PIWIL2: variants seen among roughly 807,000 people sequenced by gnomAD.
The protein encoded by PIWIL2 is piwi like RNA-mediated gene silencing 2.
A neutral mutation model predicts 116.5 loss-of-function variants in PIWIL2; 81 were observed. The observed-to-expected ratio is 0.70, with a 90% CI of 0.58 to 0.84. The LOEUF is 0.84. Among genes scored for constraint, PIWIL2 ranks in the 40% least tolerant of loss-of-function variants. The pLI, the probability that PIWIL2 is intolerant of heterozygous loss-of-function variation, is 0.00. For missense variants in PIWIL2, 1,272 were observed against 1,212.3 expected (o/e 1.05, Z -0.73); for synonymous variants, 489 against 429.5 (o/e 1.14, Z -1.71).
chr8:22,331,443 C>T (rs577883564), intron 20 of PIWIL2, among the ~76,000 whole-genome samples: 13 of 151,770 alleles, frequency 8.6e-5, no homozygotes, highest in Non-Finnish European at 1.3e-4. Context: ...GATCGCATTA[C>T]TGCACTCCCT....
intron 10 of PIWIL2, among the ~76,000 whole-genome samples, chr8:22,296,043 TTTTTTTTTTTTTTTTG>T (rs1830895584): frequency 6.5e-5 from 2 of 30,832 alleles, no homozygotes; most frequent in Non-Finnish European, 1.1e-4. Flanking sequence ...TTTTTTTTTT[TTTTTTTTTTTTTTTTG>T]TTGTTGTTGT....
intron 20 of PIWIL2, among the ~76,000 whole-genome samples, chr8:22,322,234 T>G (rs1831614945): frequency 6.6e-6 from 1 of 152,048 alleles, no homozygotes; most frequent in Non-Finnish European, 1.5e-5. Context: ...GGCTTTTCCT[T>G]GATGAATACA....
rs985322074 is a variant in PIWIL2 at position 22,281,414 on chromosome 8, G to C, written c.324G>C (p.Leu108=). The C allele has an allele frequency of 1.2e-6, 2 of 1,607,726 alleles. No homozygotes were observed. The highest frequency in any genetic ancestry group is 1.7e-6 in the Non-Finnish European group (2 of 1,178,610). ...GILGRGLSAN[L]VRKDREELSP... is the part of the protein sequence containing the mutation. Reference sequence around the variant, plus strand: ...TAGGTCGAGGCTTGTCTGCTAATCTGGTACGCAAGGACAGGGAGGAACTCT... The same window carrying C: ...TAGGTCGAGGCTTGTCTGCTAATCTCGTACGCAAGGACAGGGAGGAACTCT... Residue 108 remains leucine (L), a synonymous_variant, in exon 4 of 23, where the codon CTG becomes CTC. Coordinates refer to ENST00000356766, the MANE Select transcript of PIWIL2 (RefSeq NM_018068.5).
intron 12 of PIWIL2, 115 bp downstream of exon 12, chr8:22,304,983 C>T (rs899347403): frequency 7.2e-5 from 51 of 707,256 alleles, no homozygotes; most frequent in Admixed American, 6.7e-4. Context: ...AGTGTAGTTG[C>T]GGAAAGCTGT....
intron 10 of PIWIL2, among the ~76,000 whole-genome samples, chr8:22,295,082 G>GA (rs568031412): frequency 3.4e-4 from 50 of 149,020 alleles, no homozygotes; most frequent in Non-Finnish European, 5.5e-4. Flanking sequence ...TCGTCTGGGG[G>GA]AAAAAAAAAA....
intron 4 of PIWIL2, 47 bp from the exon 5 acceptor site, chr8:22,282,987 A>G (rs1327753234): frequency 4.4e-6 from 6 of 1,365,882 alleles, no homozygotes; most frequent in Middle Eastern, 1.8e-4. Context: ...TGGATGGGAC[A>G]TAGCTATTAT....
At chr8:22,276,820 T>G (rs1330358704) in intron 1 of PIWIL2, among the ~76,000 whole-genome samples, 1 of 151,922 alleles carries the variant, frequency 6.6e-6, no homozygotes, top group Non-Finnish European at 1.5e-5. Flanking sequence ...AGAGGACTGC[T>G]TGAGCACAGG....
At chr8:22,306,037 G>A in intron 13 of PIWIL2, 21 bp downstream of exon 13, 1 of 1,530,782 alleles carries the variant, frequency 6.5e-7, no homozygotes, top group Non-Finnish European at 9.1e-7. Flanking sequence ...TGTGTTTTCA[G>A]CCGGAAATGC....
chr8:22,300,341 C>A lies in PIWIL2; in HGVS notation c.1182-3680C>A, dbSNP rs183071418. 2.6e-5 allele frequency among the ~76,000 whole-genome samples: 4 copies of A among 152,256 alleles called. No homozygotes were observed. The East Asian group carries it at 7.7e-4, about 29-fold the overall frequency. On this transcript the variant is annotated intron_variant, in intron 10 of 22. Transcript: ENST00000356766. Reference sequence around the variant, plus strand: ...AAATCATTCACATTGTTGTATGTTGCAAATGTTCATTCCTTTTAATTACTG... The same window carrying A: ...AAATCATTCACATTGTTGTATGTTGAAAATGTTCATTCCTTTTAATTACTG...
At chr8:22,313,072 C>G (rs1831371122) in intron 16 of PIWIL2, among the ~76,000 whole-genome samples, 1 of 152,220 alleles carries the variant, frequency 6.6e-6, no homozygotes, top group Admixed American at 6.5e-5. Flanking sequence ...ATCAGCTCCC[C>G]CATTTCACAA....
At chr8:22,278,499 G>A (rs573268136) in intron 1 of PIWIL2, among the ~76,000 whole-genome samples, 8 of 152,310 alleles carry the variant, frequency 5.3e-5, no homozygotes, top group East Asian at 1.9e-4. Flanking sequence ...CAGCCTGGGC[G>A]ACAGAAGGAG....
chr8:22,313,769 A>G (rs1457455818), intron 16 of PIWIL2, among the ~76,000 whole-genome samples: 1 of 152,208 alleles, frequency 6.6e-6, no homozygotes, highest in Admixed American at 6.5e-5. Context: ...GGAATAGATG[A>G]TACTGACATG....
intron 13 of PIWIL2, 55 bp downstream of exon 13, chr8:22,306,071 G>T: frequency 7.8e-7 from 1 of 1,285,432 alleles, no homozygotes; most frequent in Non-Finnish European, 1.1e-6. Flanking sequence ...CAGCCTTTTG[G>T]TTAACAGTTT....
intron 20 of PIWIL2, among the ~76,000 whole-genome samples, chr8:22,335,212 G>A (rs1475559538): frequency 1.3e-5 from 2 of 152,150 alleles, no homozygotes; most frequent in African/African-American, 2.4e-5. Flanking sequence ...TGACAAAGAT[G>A]TAAGGGATAG....
intron 14 of PIWIL2, among the ~76,000 whole-genome samples, chr8:22,308,310 G>C (rs1228960469): frequency 6.6e-6 from 1 of 151,462 alleles, no homozygotes; most frequent in Non-Finnish European, 1.5e-5. Flanking sequence ...TTTATTAACG[G>C]TTTTCTATCC....
chr8:22,338,257 A>G (rs905261154), intron 20 of PIWIL2, among the ~76,000 whole-genome samples: 2 of 152,252 alleles, frequency 1.3e-5, no homozygotes, highest in African/African-American at 4.8e-5. Flanking sequence ...GGAACCAACA[A>G]CAACGACAAC....
chr8:22,279,519 G>A lies in PIWIL2; in HGVS notation c.133G>A (p.Ala45Thr), dbSNP rs1025099750. 1 of 1,614,196 alleles carries A rather than the reference G, an allele frequency of 6.2e-7. No homozygotes were observed. The highest frequency in any genetic ancestry group is 8.5e-7 in the Non-Finnish European group (1 of 1,180,034). ...LDPALGRGAP[A>T]GRGHVFGKPE... ...CCCAGCTCTGGGCAGGGGAGCACCTGCAGGCAGAGGCCATGTATTTGGAAA... is the reference window on the plus strand; with the variant it reads ...CCCAGCTCTGGGCAGGGGAGCACCTACAGGCAGAGGCCATGTATTTGGAAA... The change falls in exon 2 of 23, where the codon GCA (alanine) becomes ACA (threonine). Residue 45 changes from alanine (A) to threonine (T), a missense_variant. Transcript: ENST00000356766.
chr8:22,348,278 T>C (rs913184697), intron 20 of PIWIL2, among the ~76,000 whole-genome samples: 15 of 152,054 alleles, frequency 9.9e-5, no homozygotes, highest in African/African-American at 3.4e-4. Flanking sequence ...CTAGCCTGGG[T>C]GACTGAGCGA....
At chr8:22,355,087 AAAAAC>A (rs915219254) in intron 22 of PIWIL2, among the ~76,000 whole-genome samples, 1 of 151,492 alleles carries the variant, frequency 6.6e-6, no homozygotes, top group Non-Finnish European at 1.5e-5. Context: ...AAACAAAACA[AAAAAC>A]AACAACAACA....
Sources: gnomAD v4.1 joint callset for allele counts (sites outside exome capture counted in the v4.1 genomes callset) on GRCh38, gnomAD v4.1.1 for gene constraint, MANE v1.5 for transcripts, NCBI Gene and HGNC (gene_info 2026-07-23, HGNC 2026-07-21) for gene names.